The following RALGPS1 variants were observed in gnomAD, a reference collection of about 807,000 sequenced individuals.
RALGPS1 encodes the protein Ral GEF with PH domain and SH3 binding motif 1.
Under a neutral mutation model 78.8 loss-of-function variants are expected in RALGPS1, and 19 were observed. The observed-to-expected ratio is 0.24, with a 90% CI of 0.17 to 0.35. RALGPS1 has a LOEUF of 0.35. Ranked by LOEUF, RALGPS1 falls within the 10% of genes least tolerant of loss-of-function variation. The pLI, the probability that RALGPS1 is intolerant of heterozygous loss-of-function variation, is 1.00. For missense variants in RALGPS1, 454 were observed against 688.3 expected, an observed-to-expected ratio of 0.66 and a Z score of 3.81; for synonymous variants, 228 against 256.3, an observed-to-expected ratio of 0.89 and a Z score of 1.06.
chr9:127,057,712 A>G (rs899528494), intron 7 of RALGPS1, among the ~76,000 whole-genome samples: 1 of 152,224 alleles, frequency 6.6e-6, no homozygotes, highest in Non-Finnish European at 1.5e-5. Context: ...TCCTGAGTAC[A>G]CATCACCGTG....
chr9:127,034,539 C>T (rs779234718), intron 5 of RALGPS1, 25 bp downstream of exon 5: 35 of 1,598,556 alleles, frequency 2.2e-5, no homozygotes, highest in Non-Finnish European at 3.0e-5. Flanking sequence ...TTGCATGTGC[C>T]TATCCAGAGA....
chr9:126,989,998 A>G, intron 4 of RALGPS1: 9 of 1,550,304 alleles, frequency 5.8e-6, no homozygotes, highest in Non-Finnish European at 7.8e-6. Context: ...GGGTCCAGGA[A>G]CCTGACCCTC....
In RALGPS1 at chr9:127,199,069, G is replaced by A. The variant is rs2061484141; in HGVS notation, c.1247+3G>A. On this transcript the variant is annotated splice_donor_region_variant and intron_variant, in intron 14 of 18. Transcript: ENST00000259351. ...GAGATGTCTTCAGGGCTGGAAAGGT[G>A]AGTGTGGCCTCAGCATGGCCTCCCT... is the stretch of plus-strand genomic sequence containing the variant. 1.2e-6 allele frequency: 2 copies of A among 1,613,870 alleles called. No homozygotes were observed. Among genetic ancestry groups the A allele is most frequent in the East Asian group, 2.2e-5 (1 of 44,874 alleles).
At chr9:127,078,853 A>G (rs1471446921) in intron 8 of RALGPS1, among the ~76,000 whole-genome samples, 1 of 152,204 alleles carries the variant, frequency 6.6e-6, no homozygotes, top group African/African-American at 2.4e-5. Context: ...AACTAACACT[A>G]ATTACAAAAA....
At chr9:127,045,793 AC>A (rs2047716752) in intron 5 of RALGPS1, among the ~76,000 whole-genome samples, 10 of 136,982 alleles carry the variant, frequency 7.3e-5, no homozygotes, top group East Asian at 4.2e-4. Flanking sequence ...ACACACACAC[AC>A]ACAATTTCTT....
rs1270328207 is a variant in RALGPS1, at chr9:127,210,484, A to T, written c.1248-1647A>T. The T allele has an allele frequency of 6.9e-6, 4 of 582,968 alleles. No homozygotes were observed. The Admixed American group carries it at 1.2e-4, about 18-fold the overall frequency. The allele number at this position is 582,968 out of a possible 1,614,324, so 36.1% of individuals were successfully genotyped here. A position where few individuals can be genotyped will look rare whatever the true frequency, so the allele number is the denominator to read the frequency against. Reference sequence around the variant, plus strand: ...TTGAAAGAATTACGCGGAGACTTGGAGACTCTGAGGGGTGCTGTGTTTACT... The same window carrying T: ...TTGAAAGAATTACGCGGAGACTTGGTGACTCTGAGGGGTGCTGTGTTTACT... On this transcript the variant is annotated intron_variant, in intron 14 of 18. Transcript: ENST00000259351.
At chr9:127,210,860 C>A in intron 14 of RALGPS1, 1 of 1,230,676 alleles carries the variant, frequency 8.1e-7, no homozygotes. Flanking sequence ...GTGCTAGAGG[C>A]TGCCGAAAGA....
intron 10 of RALGPS1, among the ~76,000 whole-genome samples, chr9:127,173,515 A>G (rs1209404477): frequency 6.6e-6 from 1 of 152,054 alleles, no homozygotes; most frequent in Non-Finnish European, 1.5e-5. Context: ...GAGTTCTTTT[A>G]CTTGTAAGCT....
chr9:127,073,446 T>TTGTGTGTGTGTGTG (rs372544285), intron 8 of RALGPS1, among the ~76,000 whole-genome samples: 3 of 88,538 alleles, frequency 3.4e-5, no homozygotes, highest in Non-Finnish European at 7.9e-5. Flanking sequence ...TAGTACACCA[T>TTGTGTGTGTGTGTG]TGTGTGTGTG....
chr9:127,175,677 C>CTTT (rs11354346), intron 11 of RALGPS1, among the ~76,000 whole-genome samples: 30 of 108,976 alleles, frequency 2.8e-4, no homozygotes, highest in Admixed American at 9.6e-4. Context: ...TTTGGGCCTC[C>CTTT]TTTTTTTTTT....
chr9:126,991,850 A>C (rs1266248548), intron 4 of RALGPS1, among the ~76,000 whole-genome samples: 1 of 152,216 alleles, frequency 6.6e-6, no homozygotes, highest in East Asian at 1.9e-4. Context: ...TTTTGAGAGA[A>C]GTCTGGGAAG....
intron 4 of RALGPS1, among the ~76,000 whole-genome samples, chr9:126,985,803 G>A (rs1271483352): frequency 6.6e-6 from 1 of 152,204 alleles, no homozygotes; most frequent in African/African-American, 2.4e-5. Context: ...TGGTTCTAGA[G>A]GGTCTGCATA....
intron 1 of RALGPS1, among the ~76,000 whole-genome samples, chr9:126,934,541 G>A (rs972602996): frequency 1.3e-5 from 2 of 152,164 alleles, no homozygotes; most frequent in African/African-American, 2.4e-5. Flanking sequence ...GGACTGAGGC[G>A]CTGCAGAGTG....
Position 127,088,752 on chromosome 9 carries a change from AG to A in RALGPS1, c.610+19399del, listed in dbSNP as rs1325106426. The A allele has an allele frequency of 4.6e-6, 3 of 657,006 alleles. No homozygotes were observed. In the African/African-American group the frequency reaches 5.5e-5, roughly 12 times the overall value. 40.7% of individuals were successfully genotyped at this position (657,006 alleles called of 1,614,324 possible). On this transcript the variant is annotated intron_variant, in intron 8 of 18. Coordinates refer to ENST00000259351, the MANE Select transcript of RALGPS1 (RefSeq NM_014636.3). ...GCTGTCTGGTGTGAAGGAAAGTAGGAGGGACAGAAAACACCGTATCGATTCA... is the reference window on the plus strand; with the variant it reads ...GCTGTCTGGTGTGAAGGAAAGTAGGAGGACAGAAAACACCGTATCGATTCA...
chr9:127,153,006 A>G lies in RALGPS1; in HGVS notation c.611-13063A>G, dbSNP rs993081689. On this transcript the variant is annotated intron_variant, in intron 8 of 18. Coordinates refer to ENST00000259351, the MANE Select transcript of RALGPS1 (RefSeq NM_014636.3). ...TAACTCACCCAGAATCACACTGAACAATAAGTGGCAATGCCAGGATTTGAA... is the reference window on the plus strand; with the variant it reads ...TAACTCACCCAGAATCACACTGAACGATAAGTGGCAATGCCAGGATTTGAA... Among the ~76,000 whole-genome samples the G allele has an allele frequency of 2.0e-5, 3 of 152,232 alleles. No homozygotes were observed. In the South Asian group the frequency reaches 6.2e-4, roughly 31 times the overall value.
In RALGPS1 at chr9:127,196,550, G is replaced by A. The variant is rs748911357; in HGVS notation, c.1114G>A (p.Asp372Asn). The change falls in exon 13 of 19, where the codon GAC becomes AAC. Residue 372 changes from aspartate (D) to asparagine (N), a missense_variant. Transcript: ENST00000259351. The stretch of plus-strand genomic sequence containing the variant: ...GGAGAAAGCAAGGCACCTACTGGAC[G>A]ACAGTGTCCTAGAGTCCCGCAGCCC... ...PSEKARHLLD[D>N]SVLESRSPRR... The A allele has an allele frequency of 6.8e-6, 11 of 1,614,208 alleles. No individual in the cohort carries two copies. The highest frequency in any genetic ancestry group is 1.3e-5 in the African/African-American group (1 of 75,064).
chr9:127,193,095 G>A (rs750829809), intron 11 of RALGPS1, among the ~76,000 whole-genome samples: 2 of 152,214 alleles, frequency 1.3e-5, no homozygotes, highest in African/African-American at 2.4e-5. Flanking sequence ...GAGCTTGCCT[G>A]TAGGCTGGGG....
chr9:127,037,138 C>T (rs1048487103), intron 5 of RALGPS1, among the ~76,000 whole-genome samples: 2 of 152,162 alleles, frequency 1.3e-5, no homozygotes, highest in Non-Finnish European at 2.9e-5. Context: ...AACGGGTCAC[C>T]CCAGTGCTTG....
At chr9:126,918,817 C>T (rs1476686296) in intron 1 of RALGPS1, among the ~76,000 whole-genome samples, 1 of 151,990 alleles carries the variant, frequency 6.6e-6, no homozygotes, top group African/African-American at 2.4e-5. Context: ...GGATTACAGG[C>T]ATGCCCCACC....
Sources: gnomAD v4.1 joint callset for allele counts (sites outside exome capture counted in the v4.1 genomes callset) on GRCh38, gnomAD v4.1.1 for gene constraint, MANE v1.5 for transcripts, NCBI Gene and HGNC (gene_info 2026-07-23, HGNC 2026-07-21) for gene names.